CELF2: variants seen among roughly 807,000 people sequenced by gnomAD.
CELF2 encodes CUG triplet repeat RNA-binding protein 2.
A neutral mutation model predicts 62.6 loss-of-function variants in CELF2; 8 were observed. The observed-to-expected ratio is 0.13, with a 90% CI of 0.07 to 0.23. The LOEUF is 0.23. Ranked by LOEUF, CELF2 falls within the 10% of genes least tolerant of loss-of-function variation. The pLI, the probability that CELF2 is intolerant of heterozygous loss-of-function variation, is 1.00. For synonymous variants in CELF2, 258 were observed against 250.0 expected (o/e 1.03, Z -0.30); for missense variants, 333 against 671.0 (o/e 0.50, Z 5.56).
At chr10:10,759,666 C>T in the CELF2 span, among the ~76,000 whole-genome samples, 1 of 152,052 alleles carries the variant, frequency 6.6e-6, no homozygotes, top group Non-Finnish European at 1.5e-5. Flanking sequence ...ATGCTTGAGG[C>T]TTCATGGCCC....
chr10:10,782,003 G>T, the CELF2 span, among the ~76,000 whole-genome samples: 2 of 152,000 alleles, frequency 1.3e-5, no homozygotes, highest in Non-Finnish European at 2.9e-5. Context: ...CATTTTATTC[G>T]GTATTTTAAG....
At chr10:10,626,974 C>T in the CELF2 span, among the ~76,000 whole-genome samples, 5 of 152,160 alleles carry the variant, frequency 3.3e-5, no homozygotes, top group African/African-American at 7.2e-5. Context: ...GACACATTGT[C>T]GGAGAATGTC....
Position 11,268,653 on chromosome 10 carries a change from C to T in CELF2, c.618+1976C>T, listed in dbSNP as rs1331075040. On this transcript the variant is annotated intron_variant, in intron 6 of 12. Coordinates refer to ENST00000633077, the MANE Select transcript of CELF2 (RefSeq NM_001326342.2). This position sits in a 1 kb window ranked among gnomAD's most constrained non-coding sequence, Gnocchi z 4.7. The stretch of plus-strand genomic sequence containing the variant: ...AATTTGGTGTTTAAAACTGGACATT[C>T]ATGCTTACACAGAGGGGTCCTCTGA... Among the ~76,000 whole-genome samples, 2 of 151,846 alleles carry T rather than the reference C, an allele frequency of 1.3e-5. No homozygotes were observed. The highest frequency in any genetic ancestry group is 4.8e-5 in the African/African-American group (2 of 41,282).
intron 1 of CELF2, among the ~76,000 whole-genome samples, chr10:11,085,129 AATC>A (rs2046356930): frequency 6.6e-6 from 1 of 152,246 alleles, no homozygotes; most frequent in African/African-American, 2.4e-5. Flanking sequence ...TTTTATATTT[AATC>A]ATCATGCTGT....
intron 2 of CELF2, among the ~76,000 whole-genome samples, chr10:10,974,371 T>C (rs2051100500): frequency 6.6e-6 from 1 of 152,168 alleles, no homozygotes; most frequent in Non-Finnish European, 1.5e-5. Context: ...TCTCTCTAAC[T>C]GTAGTTAGAG....
At chr10:10,507,978 T>C in the CELF2 span, among the ~76,000 whole-genome samples, 1 of 152,200 alleles carries the variant, frequency 6.6e-6, no homozygotes, top group Admixed American at 6.5e-5. Flanking sequence ...ATAAAGTAGA[T>C]AAACTAGCTT....
At chr10:11,061,717 G>T (rs2140475320) in intron 1 of CELF2, among the ~76,000 whole-genome samples, 1 of 152,356 alleles carries the variant, frequency 6.6e-6, no homozygotes, top group Non-Finnish European at 1.5e-5. Context: ...GGGCCCTTAA[G>T]AATTTTACTA....
chr10:11,145,369 T>TGAAA lies in CELF2; in HGVS notation c.75-20115_75-20112dup, dbSNP rs1259837240. 1.3e-5 allele frequency among the ~76,000 whole-genome samples: 2 copies of TGAAA among 152,232 alleles called. No individual in the cohort carries two copies. The highest frequency in any genetic ancestry group is 1.3e-4 in the Admixed American group (2 of 15,288). ...GAGTGTCAGGATTCAGGAGCGTCTCTGAAAGGTGCTTTGTGCTGACCAAGC... is the reference window on the plus strand; with the variant it reads ...GAGTGTCAGGATTCAGGAGCGTCTCTGAAAGAAAGGTGCTTTGTGCTGACCAAGC... On this transcript the variant is annotated intron_variant, in intron 1 of 12. Transcript: ENST00000633077. The surrounding 1 kb of genome is among the most constrained non-coding windows in gnomAD (Gnocchi z 4.3).
At chr10:11,320,796 G>A in intron 10 of CELF2, 1 of 1,483,658 alleles carries the variant, frequency 6.7e-7, no homozygotes, top group Non-Finnish European at 9.1e-7. Flanking sequence ...GGATTTCAGT[G>A]TACAGATGTT....
At chr10:10,577,299 G>A in the CELF2 span, among the ~76,000 whole-genome samples, 1 of 152,000 alleles carries the variant, frequency 6.6e-6, no homozygotes, top group African/African-American at 2.4e-5. Flanking sequence ...TTCAGTTCCT[G>A]ACAGGACTGA....
At chr10:10,747,695 T>G in the CELF2 span, among the ~76,000 whole-genome samples, 3 of 151,224 alleles carry the variant, frequency 2.0e-5, no homozygotes, top group African/African-American at 4.9e-5. Flanking sequence ...TGCTAAAGAG[T>G]CTGGGTATAT....
At chr10:11,195,801 C>T (rs941731809) in intron 2 of CELF2, among the ~76,000 whole-genome samples, 1 of 152,142 alleles carries the variant, frequency 6.6e-6, no homozygotes, top group Non-Finnish European at 1.5e-5. Flanking sequence ...TTTCTGAGGC[C>T]TTGTTCCACG....
chr10:10,898,770 T>C (rs1342778994), intron 1 of CELF2, among the ~76,000 whole-genome samples: 2 of 152,184 alleles, frequency 1.3e-5, no homozygotes, highest in African/African-American at 4.8e-5. Flanking sequence ...CCTGACCTAA[T>C]TGACATTTAT....
At chr10:11,100,228 A>G (rs2051179797) in intron 1 of CELF2, among the ~76,000 whole-genome samples, 1 of 151,864 alleles carries the variant, frequency 6.6e-6, no homozygotes, top group Admixed American at 6.6e-5. Flanking sequence ...AATAAAATAA[A>G]TAAATAAATA....
At chr10:10,465,054 A>G in the CELF2 span, among the ~76,000 whole-genome samples, 4 of 152,178 alleles carry the variant, frequency 2.6e-5, no homozygotes, top group African/African-American at 4.8e-5. Context: ...GTTGAAATAG[A>G]AAATACCTTC....
the CELF2 span, among the ~76,000 whole-genome samples, chr10:10,472,734 C>T: frequency 5.3e-5 from 8 of 151,948 alleles, no homozygotes; most frequent in South Asian, 1.7e-3. Context: ...AATTAATTTG[C>T]CTGGACATTA....
At chr10:10,691,311 C>T in the CELF2 span, among the ~76,000 whole-genome samples, 1 of 150,990 alleles carries the variant, frequency 6.6e-6, no homozygotes, top group East Asian at 2.0e-4. Context: ...CCAATTTCAT[C>T]CATGTCCCTA....
intron 1 of CELF2, among the ~76,000 whole-genome samples, chr10:11,143,116 C>A (rs560928585): frequency 2.0e-5 from 3 of 152,210 alleles, no homozygotes; most frequent in Non-Finnish European, 4.4e-5. Context: ...TCCCCTCGTG[C>A]TTCTTCCTCT....
chr10:10,616,207 C>T, the CELF2 span, among the ~76,000 whole-genome samples: 5 of 151,856 alleles, frequency 3.3e-5, no homozygotes, highest in Non-Finnish European at 7.4e-5. Context: ...TTTGTAGTGA[C>T]TTTTACAGAT....
Sources: gnomAD v4.1 joint callset for allele counts (sites outside exome capture counted in the v4.1 genomes callset) on GRCh38, gnomAD v4.1.1 for gene constraint, Gnocchi (gnomAD v3.1) non-coding constraint, MANE v1.5 for transcripts, NCBI Gene and HGNC (gene_info 2026-07-23, HGNC 2026-07-21) for gene names.